LRRTM4: variants seen among roughly 807,000 people sequenced by gnomAD.
LRRTM4 encodes leucine-rich repeat transmembrane neuronal protein 4.
In LRRTM4, 25 loss-of-function variants were observed where a neutral mutation model predicts 47.6. The observed-to-expected ratio is 0.53, with a 90% CI of 0.38 to 0.73. The LOEUF is 0.73. LRRTM4 is among the 30% of genes least tolerant of loss of function. The probability of loss-of-function intolerance (pLI) is 0.00; values close to 1 mark genes in which losing one functional copy is unlikely to be tolerated. For missense variants in LRRTM4, 638 were observed against 713.4 expected (o/e 0.89, Z 1.20); for synonymous variants, 311 against 269.5 (o/e 1.15, Z -1.51).
At chr2:77,456,017 G>A (rs1322070920) in intron 3 of LRRTM4, among the ~76,000 whole-genome samples, 23 of 151,994 alleles carry the variant, frequency 1.5e-4, no homozygotes, top group Non-Finnish European at 5.9e-5. Context: ...TGTAATTAGT[G>A]TGCACTCCTT....
chr2:77,063,166 G>T (rs1321544480), intron 3 of LRRTM4, among the ~76,000 whole-genome samples: 1 of 151,750 alleles, frequency 6.6e-6, no homozygotes, highest in Non-Finnish European at 1.5e-5. Flanking sequence ...CACCATATTG[G>T]CCAGGCTGGT....
At chr2:76,883,649 C>T (rs1261165303) in intron 3 of LRRTM4, among the ~76,000 whole-genome samples, 1 of 152,126 alleles carries the variant, frequency 6.6e-6, no homozygotes. Context: ...CTTCCCCTGA[C>T]CCCCACTGTT....
chr2:76,955,247 G>C (rs1477931959), intron 3 of LRRTM4, among the ~76,000 whole-genome samples: 1 of 151,614 alleles, frequency 6.6e-6, no homozygotes, highest in Non-Finnish European at 1.5e-5. Flanking sequence ...TAACAAAAAA[G>C]TATAAAAATA....
rs998356391 is a variant in LRRTM4, at chr2:76,872,900, G to T, written c.1552-123984C>A. Among the ~76,000 whole-genome samples the T allele has an allele frequency of 3.9e-5, 6 of 152,068 alleles. 1 individual carries two copies. The highest frequency in any genetic ancestry group is 1.4e-4 in the African/African-American group (6 of 41,492). On this transcript the variant is annotated intron_variant, in intron 3 of 3. Coordinates refer to ENST00000409884, the MANE Select transcript of LRRTM4 (RefSeq NM_001134745.3). ...GTCTGGAACCTTCCCACTCACCCTTGCTCCCTCTCTTGCCAAATGATCTGC... is the reference window on the plus strand; with the variant it reads ...GTCTGGAACCTTCCCACTCACCCTTTCTCCCTCTCTTGCCAAATGATCTGC...
intron 3 of LRRTM4, among the ~76,000 whole-genome samples, chr2:77,095,301 T>A (rs892120775): frequency 6.6e-6 from 1 of 152,040 alleles, no homozygotes; most frequent in African/African-American, 2.4e-5. Flanking sequence ...TATCTTCTCG[T>A]TGAGAATGTA....
chr2:77,238,910 T>G (rs181214422), intron 3 of LRRTM4, among the ~76,000 whole-genome samples: 1 of 152,170 alleles, frequency 6.6e-6, no homozygotes, highest in Admixed American at 6.6e-5. Context: ...TAAGAATAAT[T>G]CATTATCAGC....
intron 3 of LRRTM4, among the ~76,000 whole-genome samples, chr2:77,137,311 G>A (rs1486947320): frequency 6.6e-6 from 1 of 151,814 alleles, no homozygotes; most frequent in African/African-American, 2.4e-5. Flanking sequence ...AAGAGTGGGG[G>A]CCAATATTCA....
intron 3 of LRRTM4, among the ~76,000 whole-genome samples, chr2:77,369,331 G>A (rs1160180472): frequency 6.6e-6 from 1 of 150,868 alleles, no homozygotes; most frequent in African/African-American, 2.4e-5. Flanking sequence ...TAGCCCATGG[G>A]ATCTTAAAAA....
chr2:77,210,902 A>T (rs1674274673), intron 3 of LRRTM4, among the ~76,000 whole-genome samples: 3 of 152,154 alleles, frequency 2.0e-5, no homozygotes, highest in Admixed American at 6.6e-5. Context: ...GTGTCAGGTG[A>T]GTACAGGAAG....
intron 3 of LRRTM4, among the ~76,000 whole-genome samples, chr2:77,299,847 A>AT (rs145008759): frequency 0.072 from 8,204 of 113,838 alleles, 477 homozygotes; most frequent in African/African-American, 0.15. Flanking sequence ...TAAGGTAATG[A>AT]TTTTTTTTTT....
At chr2:76,885,536 C>A (rs1205939339) in intron 3 of LRRTM4, among the ~76,000 whole-genome samples, 1 of 150,026 alleles carries the variant, frequency 6.7e-6, no homozygotes, top group Non-Finnish European at 1.5e-5. Context: ...GATCTCGGCT[C>A]ACTGCAAGCT....
At chr2:76,850,854 A>G (rs1251937435) in intron 3 of LRRTM4, among the ~76,000 whole-genome samples, 1 of 152,224 alleles carries the variant, frequency 6.6e-6, no homozygotes, top group Admixed American at 6.5e-5. Flanking sequence ...GAAAATAGAA[A>G]AACTAGAGAA....
chr2:77,046,790 C>A (rs11891271), intron 3 of LRRTM4, among the ~76,000 whole-genome samples: 18,751 of 152,002 alleles, frequency 0.12, 2,985 homozygotes, highest in African/African-American at 0.36. Context: ...CACTCACACA[C>A]GCACACAATT....
chr2:76,775,148 A>G (rs11673943), intron 3 of LRRTM4, among the ~76,000 whole-genome samples: 6,154 of 152,252 alleles, frequency 0.04, 163 homozygotes, highest in South Asian at 0.12. Context: ...ATTCATTCAC[A>G]ACATTTAGAC....
intron 3 of LRRTM4, among the ~76,000 whole-genome samples, chr2:76,899,352 C>CACACACACACAT (rs1491331702): frequency 3.1e-5 from 3 of 96,500 alleles, no homozygotes; most frequent in Admixed American, 9.5e-5. Flanking sequence ...CACACACACA[C>CACACACACACAT]ATATATATAT....
At chr2:77,011,624 A>T (rs1366068733) in intron 3 of LRRTM4, among the ~76,000 whole-genome samples, 1 of 151,800 alleles carries the variant, frequency 6.6e-6, no homozygotes, top group Non-Finnish European at 1.5e-5. Flanking sequence ...TGAAACATAC[A>T]TATGATTTCT....
At chr2:76,762,890 AATAAC>A (rs1226867927) in intron 3 of LRRTM4, among the ~76,000 whole-genome samples, 14 of 152,214 alleles carry the variant, frequency 9.2e-5, no homozygotes, top group African/African-American at 3.4e-4. Flanking sequence ...TTTGTGTTTA[AATAAC>A]ATAACATCAA....
At chr2:77,375,119 C>G (rs1314874262) in intron 3 of LRRTM4, among the ~76,000 whole-genome samples, 1 of 151,596 alleles carries the variant, frequency 6.6e-6, no homozygotes, top group East Asian at 1.9e-4. Flanking sequence ...ATGCTTCACC[C>G]ATCAGTGAGA....
intron 3 of LRRTM4, among the ~76,000 whole-genome samples, chr2:77,107,847 A>G (rs1572969467): frequency 6.6e-6 from 1 of 151,614 alleles, no homozygotes; most frequent in South Asian, 2.1e-4. Flanking sequence ...GAAAGAAAGA[A>G]AAGAAAATAA....
Sources: gnomAD v4.1 joint callset for allele counts (sites outside exome capture counted in the v4.1 genomes callset) on GRCh38, gnomAD v4.1.1 for gene constraint, MANE v1.5 for transcripts, NCBI Gene and HGNC (gene_info 2026-07-23, HGNC 2026-07-21) for gene names.